The following RNF152 variants were observed in gnomAD, a reference collection of about 807,000 sequenced individuals.
RNF152 encodes ring finger protein 152.
In RNF152, 11 loss-of-function variants were observed where a neutral mutation model predicts 12.7. That is an observed-to-expected ratio of 0.86 (90% CI 0.54 to 1.43). The LOEUF (loss-of-function observed/expected upper bound fraction) is 1.43, where lower values mean the gene tolerates loss of function less well. Ranked by LOEUF, RNF152 falls within the 40% of genes most tolerant of loss-of-function variation. The probability of loss-of-function intolerance (pLI) is 0.00; values close to 1 mark genes in which losing one functional copy is unlikely to be tolerated. For synonymous variants in RNF152, 113 were observed against 120.3 expected, an observed-to-expected ratio of 0.94 and a Z score of 0.40; for missense variants, 255 against 274.8, an observed-to-expected ratio of 0.93 and a Z score of 0.51.
At chr18:61,841,911 C>T (rs1910471439) in intron 1 of RNF152, among the ~76,000 whole-genome samples, 1 of 152,218 alleles carries the variant, frequency 6.6e-6, no homozygotes, top group East Asian at 1.9e-4. Flanking sequence ...AACTGCTCAA[C>T]TCTACCACTG....
chr18:61,849,046 C>T (rs774890612), intron 1 of RNF152, among the ~76,000 whole-genome samples: 5 of 152,110 alleles, frequency 3.3e-5, no homozygotes, highest in Admixed American at 6.5e-5. Flanking sequence ...CCTACTTTCC[C>T]GTCATTGTCA....
intron 1 of RNF152, among the ~76,000 whole-genome samples, chr18:61,865,792 C>T (rs1911700020): frequency 6.6e-6 from 1 of 152,198 alleles, no homozygotes. Flanking sequence ...ATTCCCATGA[C>T]AGCTGTCCCA....
At chr18:61,879,296 T>C (rs1169102250) in intron 1 of RNF152, among the ~76,000 whole-genome samples, 2 of 139,104 alleles carry the variant, frequency 1.4e-5, no homozygotes, top group Non-Finnish European at 1.7e-5. Context: ...TACATTTGCA[T>C]AGCATTTACA....
In RNF152 at chr18:61,810,294, TAGTA is replaced by T. The variant is rs1203401383; in HGVS notation, c.*5554_*5557del. On this transcript the variant is annotated 3_prime_UTR_variant, in exon 2 of 2. Transcript: ENST00000312828. Reference sequence around the variant, plus strand: ...CGTGGTGTGTGTGTGTGTGTGTGTGTAGTAAGTCAGTTGTGTCAGAAAAATCAAT... The same window carrying T: ...CGTGGTGTGTGTGTGTGTGTGTGTGTAGTCAGTTGTGTCAGAAAAATCAAT... 1 of 151,774 alleles carries T rather than the reference TAGTA, an allele frequency of 6.6e-6. No homozygotes were observed. Among genetic ancestry groups the T allele is most frequent in the Non-Finnish European group, 1.5e-5 (1 of 67,966 alleles). The allele number at this position is 151,774 out of a possible 1,614,324, so 9.4% of individuals were successfully genotyped here.
At position 61,878,575 on chromosome 18, in the gene RNF152, A is replaced by G. The variant is rs181570684; in HGVS notation, c.-136+14220T>C. Among the ~76,000 whole-genome samples the G allele has an allele frequency of 6.2e-3, 939 of 152,342 alleles. 32 individuals carry two copies. Among genetic ancestry groups the G allele is most frequent in the Non-Finnish European group, 1.9e-3 (127 of 68,028 alleles). ...GTCTTAGTCTGTTTGTGCTGCTACA[A>G]CAAAATACTTGTGATTGGGTGATTT... On this transcript the variant is annotated intron_variant, in intron 1 of 1. Coordinates refer to ENST00000312828, the MANE Select transcript of RNF152 (RefSeq NM_173557.3).
chr18:61,827,170 C>T (rs1909709057), intron 1 of RNF152, among the ~76,000 whole-genome samples: 3 of 152,148 alleles, frequency 2.0e-5, no homozygotes, highest in South Asian at 2.1e-4. Context: ...CCATAATTCC[C>T]GTGTTCCTTT....
chr18:61,859,187 C>T (rs912695722), intron 1 of RNF152, among the ~76,000 whole-genome samples: 2 of 152,198 alleles, frequency 1.3e-5, no homozygotes, highest in African/African-American at 4.8e-5. Flanking sequence ...AAATTCCCAC[C>T]TCAGTACTTC....
Position 61,880,279 on chromosome 18 carries a change from T to A in RNF152, c.-136+12516A>T, listed in dbSNP as rs116777983. 9.2e-3 allele frequency among the ~76,000 whole-genome samples: 1,398 copies of A among 152,298 alleles called. 19 individuals are homozygous for A. Among genetic ancestry groups the A allele is most frequent in the African/African-American group, 0.032 (1,332 of 41,558 alleles). ...GATGGGTGGCCAAAATTGTCCATCT[T>A]TGTTCCCAAAGACAGGTCCGCAAAG... is the stretch of plus-strand genomic sequence containing the variant. On this transcript the variant is annotated intron_variant, in intron 1 of 1. Coordinates refer to ENST00000312828, the MANE Select transcript of RNF152 (RefSeq NM_173557.3).
At chr18:61,873,810 A>G (rs1430519168) in intron 1 of RNF152, among the ~76,000 whole-genome samples, 2 of 152,216 alleles carry the variant, frequency 1.3e-5, no homozygotes, top group African/African-American at 4.8e-5. Flanking sequence ...CCACAACCCA[A>G]GGAAAGTGGA....
intron 1 of RNF152, among the ~76,000 whole-genome samples, chr18:61,875,915 T>C (rs1912195378): frequency 1.3e-5 from 2 of 152,192 alleles, no homozygotes; most frequent in Non-Finnish European, 2.9e-5. Context: ...GACTGCCAGA[T>C]TAAGCTTCTA....
At chr18:61,845,846 G>A (rs1476498976) in intron 1 of RNF152, among the ~76,000 whole-genome samples, 1 of 151,440 alleles carries the variant, frequency 6.6e-6, no homozygotes, top group Non-Finnish European at 1.5e-5. Context: ...CAGTCTCAAT[G>A]TTTGTGTCTC....
intron 1 of RNF152, among the ~76,000 whole-genome samples, chr18:61,871,204 T>TCCCCCCCCCCCCCCCCC (rs1215352924): frequency 2.2e-5 from 1 of 46,188 alleles, no homozygotes; most frequent in Admixed American, 2.0e-4. Context: ...CCCACCCACC[T>TCCCCCCCCCCCCCCCCC]CCCCCCACCC....
chr18:61,893,627 C>T (rs1041292921), upstream of RNF152: 1 of 152,556 alleles, frequency 6.6e-6, no homozygotes, highest in Non-Finnish European at 1.5e-5. Flanking sequence ...TCACAGCGCT[C>T]TCTAATCCCG....
chr18:61,844,110 GAAA>G (rs1568275358), intron 1 of RNF152, among the ~76,000 whole-genome samples: 18 of 137,034 alleles, frequency 1.3e-4, no homozygotes, highest in African/African-American at 4.5e-4. Context: ...AAGAAAGAAA[GAAA>G]GAAAGAAAGA....
At chr18:61,868,737 T>C (rs1229248213) in intron 1 of RNF152, among the ~76,000 whole-genome samples, 1 of 152,000 alleles carries the variant, frequency 6.6e-6, no homozygotes, top group African/African-American at 2.4e-5. Flanking sequence ...AGTACAGGTT[T>C]TAGAAGGAAC....
At chr18:61,828,638 G>A (rs1177314098) in intron 1 of RNF152, among the ~76,000 whole-genome samples, 3 of 151,448 alleles carry the variant, frequency 2.0e-5, no homozygotes, top group African/African-American at 7.3e-5. Context: ...AGAAAAAAAT[G>A]TGATAATATT....
intron 1 of RNF152, among the ~76,000 whole-genome samples, chr18:61,878,122 C>T (rs1202008362): frequency 2.6e-5 from 4 of 152,176 alleles, no homozygotes; most frequent in Admixed American, 6.5e-5. Flanking sequence ...ATATACATCC[C>T]ATTGGTGAGA....
At chr18:61,853,493 T>C (rs975801262) in intron 1 of RNF152, among the ~76,000 whole-genome samples, 1 of 152,116 alleles carries the variant, frequency 6.6e-6, no homozygotes, top group African/African-American at 2.4e-5. Flanking sequence ...GGTTTCACCA[T>C]GTTGGCCAGA....
intron 1 of RNF152, among the ~76,000 whole-genome samples, chr18:61,850,077 C>T (rs2144691986): frequency 6.6e-6 from 1 of 152,310 alleles, no homozygotes; most frequent in East Asian, 1.9e-4. Context: ...TTTCTCAATC[C>T]ACCTAACTGT....
Sources: gnomAD v4.1 joint callset for allele counts (sites outside exome capture counted in the v4.1 genomes callset) on GRCh38, gnomAD v4.1.1 for gene constraint, MANE v1.5 for transcripts, NCBI Gene and HGNC (gene_info 2026-07-23, HGNC 2026-07-21) for gene names.